MRPL27: variants seen among roughly 807,000 people sequenced by gnomAD.
The protein encoded by MRPL27 is large ribosomal subunit protein bL27m.
In MRPL27, 4 loss-of-function variants were observed where a neutral mutation model predicts 14.6. The ratio of observed to expected loss-of-function variants is 0.27; its 90% CI spans 0.14 to 0.63. The LOEUF (loss-of-function observed/expected upper bound fraction) is 0.63, where lower values mean the gene tolerates loss of function less well. MRPL27 is among the 20% of genes least tolerant of loss of function. The pLI, the probability that MRPL27 is intolerant of heterozygous loss-of-function variation, is 0.85. For missense variants in MRPL27, 196 were observed against 192.8 expected (o/e 1.02, Z -0.10); for synonymous variants, 82 against 75.5 (o/e 1.09, Z -0.45).
chr17:50,368,793 A>C, intron 3 of MRPL27: 1 of 697,828 alleles, frequency 1.4e-6, no homozygotes, highest in Non-Finnish European at 2.6e-6. Context: ...ATTAGCTAAT[A>C]CCCATGTAAG....
chr17:50,369,156 T>A (rs1913051507), intron 3 of MRPL27: 1 of 389,006 alleles, frequency 2.6e-6, no homozygotes, highest in South Asian at 4.5e-5. Context: ...TTAACTATTT[T>A]ACAGGGTCAT....
chr17:50,368,015 C>T lies in MRPL27; in HGVS notation c.*77G>A. ...TCTTCCTCGGGAGGCCGTGTCGCCA[C>T]CCCAACCCTTGACTTCTGGTATCAC... On this transcript the variant is annotated 3_prime_UTR_variant, in exon 4 of 4. Coordinates refer to ENST00000225969, the MANE Select transcript of MRPL27 (RefSeq NM_016504.3). 1 of 1,539,786 alleles carries T rather than the reference C, an allele frequency of 6.5e-7. No individual in the cohort carries two copies. Among genetic ancestry groups the T allele is most frequent in the Non-Finnish European group, 8.9e-7 (1 of 1,122,636 alleles).
At chr17:50,370,992 CTTTCT>C (rs1913114357) in intron 1 of MRPL27, 9 of 162,054 alleles carry the variant, frequency 5.6e-5, no homozygotes, top group South Asian at 1.6e-4. Flanking sequence ...CCACGACTTT[CTTTCT>C]TTTTTTTTTT....
chr17:50,370,709 G>A, intron 1 of MRPL27, 123 bp from the exon 2 acceptor site: 1 of 1,342,454 alleles, frequency 7.4e-7, no homozygotes, highest in Non-Finnish European at 1.0e-6. Flanking sequence ...GGGAGCAGAA[G>A]TGCCACTGAG....
Position 50,373,120 on chromosome 17 carries a change from C to G in MRPL27, c.40+11G>C, listed in dbSNP as rs752386559. Reference sequence around the variant, plus strand: ...CCGCCTCACCCCGCTCTGACTACTGCGTCCCATTACCGGCTGTCCGGGTCC... The same window carrying G: ...CCGCCTCACCCCGCTCTGACTACTGGGTCCCATTACCGGCTGTCCGGGTCC... On this transcript the variant is annotated intron_variant, in intron 1 of 3. Coordinates refer to ENST00000225969, the MANE Select transcript of MRPL27 (RefSeq NM_016504.3). 6.2e-7 allele frequency: 1 copy of G among 1,614,142 alleles called. No individual in the cohort carries two copies. The highest frequency in any genetic ancestry group is 1.7e-5 in the Admixed American group (1 of 60,028).
chr17:50,368,135 G>A lies in MRPL27; in HGVS notation c.404C>T (p.Pro135Leu), dbSNP rs1360896472. 1 of 1,614,210 alleles carries A rather than the reference G, an allele frequency of 6.2e-7. No homozygotes were observed. The highest frequency in any genetic ancestry group is 2.2e-5 in the East Asian group (1 of 44,884). The part of the protein sequence containing the change: ...VLYKTFVHVV[P>L]AKPEGTFKLV... ...TTTGAAGGTGCCCTCAGGCTTGGCA[G>A]GAACCACGTGGACAAAAGTCTTGTA... The change falls in exon 4 of 4, where the codon CCT (proline) becomes CTT (leucine). Residue 135 changes from proline to leucine, a missense_variant. Pro to Leu is a moderately conservative substitution (Grantham distance 98). Coordinates refer to ENST00000225969, the MANE Select transcript of MRPL27 (RefSeq NM_016504.3).
At chr17:50,372,974 G>T in intron 1 of MRPL27, 157 bp downstream of exon 1, 2 of 1,013,430 alleles carry the variant, frequency 2.0e-6, no homozygotes, top group South Asian at 1.5e-5. Context: ...GATGTGTCAC[G>T]TGACCAGCGA....
chr17:50,368,528 G>C (rs554003854), intron 3 of MRPL27: 4 of 603,238 alleles, frequency 6.6e-6, no homozygotes, highest in Non-Finnish European at 1.2e-5. Context: ...ATGGGCCACT[G>C]CTCAGTCCCA....
intron 1 of MRPL27, 31 bp from the exon 2 acceptor site, chr17:50,370,617 A>T: frequency 1.2e-6 from 2 of 1,613,110 alleles, no homozygotes; most frequent in Non-Finnish European, 1.7e-6. Context: ...TTGTTCAGAC[A>T]GACAGGCTCA....
Position 50,370,467 on chromosome 17 carries a change from T to C in MRPL27, c.160A>G (p.Lys54Glu), listed in dbSNP as rs745311717. 4 of 1,614,218 alleles carry C rather than the reference T, an allele frequency of 2.5e-6. No homozygotes were observed. In the South Asian group the frequency reaches 4.4e-5, roughly 18 times the overall value. The change falls in exon 2 of 4, where the codon AAG (lysine) becomes GAG (glutamate). Residue 54 changes from lysine (K) to glutamate (E), a missense_variant. By Grantham distance (56) the Lys-to-Glu change is moderately conservative (BLOSUM62 1). Coordinates refer to ENST00000225969, the MANE Select transcript of MRPL27 (RefSeq NM_016504.3). ...GKSSGRRQGI[K>E]KMEGHYVHAG... is the part of the protein sequence containing the mutation. ...GGCACATCCTCACCTTCCATTTTCTTAATGCCTTGGCGTCTGCCTGATGAC... is the reference window on the plus strand; with the variant it reads ...GGCACATCCTCACCTTCCATTTTCTCAATGCCTTGGCGTCTGCCTGATGAC...
rs1913016368 is a variant in MRPL27, at chr17:50,368,155, C to G, written c.384G>C (p.Lys128Asn). The G allele has an allele frequency of 2.5e-6, 4 of 1,614,212 alleles. No individual in the cohort carries two copies. Among genetic ancestry groups the G allele is most frequent in the Non-Finnish European group, 3.4e-6 (4 of 1,180,034 alleles). Residue 128 changes from lysine (K) to asparagine (N), a missense_variant, in exon 4 of 4, where the codon AAG becomes AAC. By Grantham distance (94) the Lys-to-Asn change is moderately conservative (BLOSUM62 0). Coordinates refer to ENST00000225969, the MANE Select transcript of MRPL27 (RefSeq NM_016504.3). The part of the protein sequence containing the change: ...TRLPKGAVLY[K>N]TFVHVVPAKP... Reference sequence around the variant, plus strand: ...TGGCAGGAACCACGTGGACAAAAGTCTTGTAGAGCACAGCACCCTTGGGCA... The same window carrying G: ...TGGCAGGAACCACGTGGACAAAAGTGTTGTAGAGCACAGCACCCTTGGGCA...
At chr17:50,372,261 G>A (rs1040878715) in intron 1 of MRPL27, among the ~76,000 whole-genome samples, 1 of 151,194 alleles carries the variant, frequency 6.6e-6, no homozygotes, top group Admixed American at 6.6e-5. Flanking sequence ...TTTTTGGGGG[G>A]GGGGGATAGG....
chr17:50,372,261 G>T (rs1040878715), intron 1 of MRPL27, among the ~76,000 whole-genome samples: 1 of 151,194 alleles, frequency 6.6e-6, no homozygotes, highest in Non-Finnish European at 1.5e-5. Context: ...TTTTTGGGGG[G>T]GGGGGATAGG....
intron 3 of MRPL27, chr17:50,368,984 C>T: frequency 1.5e-6 from 1 of 659,430 alleles, no homozygotes; most frequent in Non-Finnish European, 2.7e-6. Context: ...GCAAATTTTA[C>T]CCAGGTAGTC....
chr17:50,369,462 T>A, intron 3 of MRPL27: 1 of 168,218 alleles, frequency 5.9e-6, no homozygotes, highest in Non-Finnish European at 1.3e-5. Context: ...AGTATCGTTA[T>A]GTCTCTGTAA....
intron 3 of MRPL27, chr17:50,369,598 C>G (rs1913065160): frequency 9.7e-6 from 2 of 206,182 alleles, no homozygotes; most frequent in South Asian, 1.5e-4. Context: ...TTTCAACCAT[C>G]TGCAAGTAAG....
chr17:50,368,074 G>A lies in MRPL27; in HGVS notation c.*18C>T, dbSNP rs370459601. 13 of 1,613,736 alleles carry A rather than the reference G, an allele frequency of 8.1e-6. No homozygotes were observed. The African/African-American group carries it at 9.3e-5, about 12-fold the overall frequency. ...GTCACCTGGGCTCCAGTCTCTGTCC[G>A]ATGGCCTCAACAGGACATCAAAGCA... is the stretch of plus-strand genomic sequence containing the variant. On this transcript the variant is annotated 3_prime_UTR_variant, in exon 4 of 4. Coordinates refer to ENST00000225969, the MANE Select transcript of MRPL27 (RefSeq NM_016504.3).
At chr17:50,370,913 C>T in intron 1 of MRPL27, 2 of 288,334 alleles carry the variant, frequency 6.9e-6, no homozygotes, top group South Asian at 7.4e-5. Context: ...CACCCTCATG[C>T]ACCACGGAGG....
rs745899880 is a variant in MRPL27 at position 50,370,631 on chromosome 17, T to G, written c.41-45A>C. On this transcript the variant is annotated intron_variant, in intron 1 of 3. Coordinates refer to ENST00000225969, the MANE Select transcript of MRPL27 (RefSeq NM_016504.3). ...ATTGTTCAGACAGACAGGCTCAAAC[T>G]ATTTCTGCCTCAATGGGCCACATGC... 34 of 1,610,758 alleles carry G rather than the reference T, an allele frequency of 2.1e-5. 1 individual carries two copies. In the South Asian group the frequency reaches 3.4e-4, roughly 16 times the overall value.
Sources: gnomAD v4.1 joint callset for allele counts (sites outside exome capture counted in the v4.1 genomes callset) on GRCh38, gnomAD v4.1.1 for gene constraint, MANE v1.5 for transcripts, NCBI Gene and HGNC (gene_info 2026-07-23, HGNC 2026-07-21) for gene names.